The following DLGAP2 variants were observed in gnomAD, a reference collection of about 807,000 sequenced individuals.
DLGAP2 encodes disks large-associated protein 2.
A neutral mutation model predicts 100.3 loss-of-function variants in DLGAP2; 26 were observed. That is an observed-to-expected ratio of 0.26 (90% CI 0.19 to 0.36). The LOEUF is 0.36. Among genes scored for constraint, DLGAP2 ranks in the 10% least tolerant of loss-of-function variants. The pLI is 1.00. For missense variants in DLGAP2, 1,858 were observed against 1,453.2 expected (o/e 1.28, Z -4.53); for synonymous variants, 886 against 630.1 (o/e 1.41, Z -6.08).
chr8:1,320,552 C>G (rs1009501087), intron 3 of DLGAP2, among the ~76,000 whole-genome samples: 1 of 152,170 alleles, frequency 6.6e-6, no homozygotes, highest in Non-Finnish European at 1.5e-5. Context: ...GTGATAACCA[C>G]CCCTGTGCTT....
At chr8:1,471,958 T>G (rs1175395237) in intron 3 of DLGAP2, among the ~76,000 whole-genome samples, 1 of 152,254 alleles carries the variant, frequency 6.6e-6, no homozygotes. Flanking sequence ...CATTAAATCG[T>G]TCTTTAATCC....
chr8:1,081,415 A>G (rs996626990), intron 2 of DLGAP2, among the ~76,000 whole-genome samples: 15 of 152,206 alleles, frequency 9.9e-5, no homozygotes, highest in African/African-American at 3.6e-4. Flanking sequence ...GCAGTGGCGC[A>G]GCCTTGGCTC....
chr8:980,508 T>A lies in DLGAP2; in HGVS notation c.73+72542T>A, dbSNP rs183176428. The stretch of plus-strand genomic sequence containing the variant: ...CCTGAGAGTGCCTTGGAGCAGGGAT[T>A]GGGAACTGTGACCTTGGGTGCTTAT... On this transcript the variant is annotated intron_variant, in intron 2 of 14. Coordinates refer to ENST00000637795, the MANE Select transcript of DLGAP2 (RefSeq NM_001346810.2). Among the ~76,000 whole-genome samples, 42 of 152,290 alleles carry A rather than the reference T, an allele frequency of 2.8e-4. 1 individual carries two copies. The East Asian group carries it at 8.1e-3, about 29-fold the overall frequency.
rs565815589 is a variant in DLGAP2, at chr8:1,476,420, C to T, written c.107-24946C>T. Among the ~76,000 whole-genome samples the T allele has an allele frequency of 5.3e-5, 8 of 152,300 alleles. No individual in the cohort carries two copies. The South Asian group carries it at 1.7e-3, about 32-fold the overall frequency. On this transcript the variant is annotated intron_variant, in intron 3 of 14. Transcript: ENST00000637795. ...GTGACTTCCTTTCTTCCCCTCTACA[C>T]TCCAAGGGCGTCACCTGTTCCTTCC...
At chr8:781,804 G>A (rs987448498) in intron 1 of DLGAP2, among the ~76,000 whole-genome samples, 1 of 152,184 alleles carries the variant, frequency 6.6e-6, no homozygotes, top group African/African-American at 2.4e-5. Flanking sequence ...AGGTTTGTTA[G>A]AGTTTTTTTG....
At position 1,644,059 on chromosome 8, in the gene DLGAP2, T is replaced by C. The variant is rs1228116582; in HGVS notation, c.1810+11013T>C. ...GTGTCACCCTCGAACCCGCCGGTCC[T>C]CACCTGTGTCACCCTCGACCCCGCC... is the stretch of plus-strand genomic sequence containing the variant. On this transcript the variant is annotated intron_variant, in intron 8 of 14. Coordinates refer to ENST00000637795, the MANE Select transcript of DLGAP2 (RefSeq NM_001346810.2). Among the ~76,000 whole-genome samples the C allele has an allele frequency of 2.6e-4, 25 of 96,368 alleles. 8 individuals are homozygous for C. The highest frequency in any genetic ancestry group is 1.1e-3 in the African/African-American group (23 of 20,924). 63.2% of individuals were successfully genotyped at this position (96,368 alleles called of 152,430 possible).
At chr8:1,210,238 C>A (rs890045050) in intron 2 of DLGAP2, among the ~76,000 whole-genome samples, 40 of 152,122 alleles carry the variant, frequency 2.6e-4, no homozygotes, top group Non-Finnish European at 5.9e-5. Context: ...GGTGACCTTC[C>A]TGGAGAGGCT....
At chr8:1,640,678 G>C (rs1025529569) in intron 8 of DLGAP2, among the ~76,000 whole-genome samples, 3 of 152,086 alleles carry the variant, frequency 2.0e-5, no homozygotes, top group African/African-American at 7.2e-5. Context: ...CTTGTACCCG[G>C]GACTCGGGCA....
intron 3 of DLGAP2, among the ~76,000 whole-genome samples, chr8:1,346,230 C>T (rs138188152): frequency 1.2e-3 from 175 of 151,202 alleles, no homozygotes; most frequent in Non-Finnish European, 2.3e-3. Context: ...AGGTTGAGTT[C>T]CCCGTACACA....
chr8:997,812 C>T (rs1346483780), intron 2 of DLGAP2, among the ~76,000 whole-genome samples: 3 of 152,138 alleles, frequency 2.0e-5, no homozygotes, highest in African/African-American at 7.2e-5. Context: ...TTGCTTATAC[C>T]TATGCATACA....
intron 4 of DLGAP2, among the ~76,000 whole-genome samples, chr8:1,521,047 A>C (rs2020405): frequency 6.6e-6 from 1 of 152,016 alleles, no homozygotes; most frequent in Non-Finnish European, 1.5e-5. Flanking sequence ...TGGCCGTTCT[A>C]TTCGGGGTGT....
intron 2 of DLGAP2, among the ~76,000 whole-genome samples, chr8:925,181 G>C (rs1280170556): frequency 6.6e-6 from 1 of 152,120 alleles, no homozygotes; most frequent in Non-Finnish European, 1.5e-5. Flanking sequence ...CACTCAAGCT[G>C]GTGTGCAGTG....
chr8:1,391,155 G>C (rs986895054), intron 3 of DLGAP2, among the ~76,000 whole-genome samples: 2 of 152,226 alleles, frequency 1.3e-5, no homozygotes, highest in African/African-American at 4.8e-5. Context: ...ATGAGACCCC[G>C]GTTGGCTAGA....
intron 2 of DLGAP2, among the ~76,000 whole-genome samples, chr8:1,240,139 G>T (rs796644964): frequency 1.1e-4 from 15 of 138,740 alleles, no homozygotes; most frequent in African/African-American, 3.1e-4. Context: ...GGTGCCATGT[G>T]TAGTTCTCTC....
intron 2 of DLGAP2, among the ~76,000 whole-genome samples, chr8:1,017,634 C>T (rs1436923266): frequency 1.4e-4 from 20 of 144,868 alleles, no homozygotes; most frequent in Middle Eastern, 3.4e-3. Flanking sequence ...TGTGTGTGAC[C>T]GGGACAGATG....
chr8:903,815 T>A (rs1477942106), intron 1 of DLGAP2, among the ~76,000 whole-genome samples: 1 of 152,198 alleles, frequency 6.6e-6, no homozygotes, highest in Non-Finnish European at 1.5e-5. Flanking sequence ...TCGGCACATT[T>A]CTGTTAAGTC....
intron 6 of DLGAP2, chr8:1,621,036 A>C (rs80185119): frequency 1.3e-5 from 2 of 152,314 alleles, no homozygotes; most frequent in Middle Eastern, 3.4e-3. Context: ...TAAGAAATCT[A>C]TGTTCCAGTC....
At chr8:1,494,823 G>A (rs1218986984) in intron 3 of DLGAP2, among the ~76,000 whole-genome samples, 1 of 152,116 alleles carries the variant, frequency 6.6e-6, no homozygotes, top group Non-Finnish European at 1.5e-5. Context: ...CAGAGCTCCA[G>A]CCACGGGGTT....
chr8:854,181 C>T (rs560359386), intron 1 of DLGAP2, among the ~76,000 whole-genome samples: 1 of 152,162 alleles, frequency 6.6e-6, no homozygotes, highest in Non-Finnish European at 1.5e-5. Context: ...GACTAAGACC[C>T]TGTAGGAGGA....
Sources: gnomAD v4.1 joint callset for allele counts (sites outside exome capture counted in the v4.1 genomes callset) on GRCh38, gnomAD v4.1.1 for gene constraint, MANE v1.5 for transcripts, NCBI Gene and HGNC (gene_info 2026-07-23, HGNC 2026-07-21) for gene names.